Variants in FAM118B observed in about 807,000 individuals in gnomAD.
FAM118B encodes the protein protein FAM118B.
Under a neutral mutation model 38.5 loss-of-function variants are expected in FAM118B, and 24 were observed. The observed-to-expected ratio is 0.62, with a 90% CI of 0.45 to 0.88. FAM118B has a LOEUF of 0.88. FAM118B is among the 40% of genes least tolerant of loss of function. The pLI, the probability that FAM118B is intolerant of heterozygous loss-of-function variation, is 0.00. For synonymous variants in FAM118B, 138 were observed against 156.3 expected (o/e 0.88, Z 0.87); for missense variants, 334 against 420.0 (o/e 0.80, Z 1.79).
rs781555681 is a variant in FAM118B at position 126,240,773 on chromosome 11, A to C, written c.87-19A>C. ...ATCTATTGGATATTCCAATCCTCTC[A>C]TTTGTTTTGCTTTTATAGGAAGCTG... On this transcript the variant is annotated intron_variant, in intron 3 of 8. Transcript: ENST00000533050. 4.4e-6 allele frequency: 7 copies of C among 1,591,030 alleles called. No individual in the cohort carries two copies. Among genetic ancestry groups the C allele is most frequent in the Non-Finnish European group, 6.0e-6 (7 of 1,169,058 alleles).
intron 1 of FAM118B, 120 bp downstream of exon 1, chr11:126,211,950 T>C: frequency 2.9e-6 from 1 of 349,564 alleles, no homozygotes; most frequent in Non-Finnish European, 5.3e-6. Context: ...ACGTTTCTCC[T>C]TTTGGTACAC....
chr11:126,254,343 G>A lies in FAM118B; in HGVS notation c.606G>A (p.Val202=), dbSNP rs781452187. ...CTCAGGAGAAGCGTAAGCTGAGCGT[G>A]TTGCATATTCACGGAGTCTACACCA... ...EWAQEKRKLS[V]LHIHGVYTNP... is the part of the protein sequence containing the mutation. The change falls in exon 6 of 9, where the codon GTG becomes GTA. Residue 202 remains valine, a synonymous_variant. Coordinates refer to ENST00000533050, the MANE Select transcript of FAM118B (RefSeq NM_024556.4). 1.9e-6 allele frequency: 3 copies of A among 1,613,860 alleles called. No individual in the cohort carries two copies. The highest frequency in any genetic ancestry group is 1.7e-5 in the Admixed American group (1 of 59,972).
rs370881572 is a variant in FAM118B at position 126,256,824 on chromosome 11, A to G, written c.954A>G (p.Thr318=). 1.6e-5 allele frequency: 26 copies of G among 1,612,342 alleles called. No individual in the cohort carries two copies. Among genetic ancestry groups the G allele is most frequent in the Non-Finnish European group, 2.0e-5 (24 of 1,179,208 alleles). Residue 318 remains threonine, a synonymous_variant, in exon 7 of 9, where the codon ACA becomes ACG. Transcript: ENST00000533050. The surrounding 1 kb of genome is among the most constrained non-coding windows in gnomAD (Gnocchi z 6.6). ...TTCCAGAATATTTCAAGCGACTGAC[A>G]TGTGAGATCTCCACAAGGGGTACAT... ...ADLPEYFKRL[T]CEISTRGTSA... is the part of the protein sequence containing the mutation.
chr11:126,223,156 G>A (rs865923741), intron 1 of FAM118B, among the ~76,000 whole-genome samples: 3 of 152,070 alleles, frequency 2.0e-5, no homozygotes, highest in Middle Eastern at 3.2e-3. Flanking sequence ...AGAGCCCAGC[G>A]AGTGAGGGAG....
intron 1 of FAM118B, among the ~76,000 whole-genome samples, chr11:126,214,066 T>C (rs952729676): frequency 1.3e-5 from 2 of 152,198 alleles, no homozygotes; most frequent in African/African-American, 4.8e-5. Context: ...AGAATTTATG[T>C]GGCCGGGCGC....
chr11:126,248,357 A>ATTTTTT (rs1565336951), intron 4 of FAM118B, among the ~76,000 whole-genome samples: 7 of 23,746 alleles, frequency 2.9e-4, no homozygotes, highest in African/African-American at 9.6e-4. Context: ...ATAGTAGTTG[A>ATTTTTT]CTTTTTTTTT....
chr11:126,261,367 T>A, intron 7 of FAM118B, 58 bp from the exon 8 acceptor site: 29 of 1,443,514 alleles, frequency 2.0e-5, no homozygotes, highest in Non-Finnish European at 2.8e-5. Context: ...GTTTTCTTTT[T>A]GCTATTAATA....
At chr11:126,248,358 C>CTTTTTGTTT (rs1950446285) in intron 4 of FAM118B, among the ~76,000 whole-genome samples, 1 of 36,966 alleles carries the variant, frequency 2.7e-5, no homozygotes, top group Non-Finnish European at 4.3e-5. Flanking sequence ...TAGTAGTTGA[C>CTTTTTGTTT]TTTTTTTTTT....
Position 126,256,614 on chromosome 11 carries a change from C to T in FAM118B, c.744C>T (p.Gly248=). The change falls in exon 7 of 9, where the codon GGC becomes GGT. Residue 248 remains glycine (G), a synonymous_variant. Transcript: ENST00000533050. This position sits in a 1 kb window ranked among gnomAD's most constrained non-coding sequence, Gnocchi z 6.6. ...LYENKSFLFL[G]CGWTVDDTTF... ...AAAACAAGTCATTTCTTTTCCTGGG[C>T]TGTGGCTGGACTGTGGATGACACCA... 6.2e-7 allele frequency: 1 copy of T among 1,614,166 alleles called. No homozygotes were observed. The highest frequency in any genetic ancestry group is 8.5e-7 in the Non-Finnish European group (1 of 1,180,016).
In FAM118B at chr11:126,240,865, G is replaced by T. The variant is rs935789063; in HGVS notation, c.160G>T (p.Ala54Ser). ...VLVIGTGISA[A>S]VAPQVPALKS... ...AGTGATTGGAACAGGCATTAGTGCT[G>T]CAGTTGCGCCCCAAGTTCCAGCCCT... The change falls in exon 4 of 9, where the codon GCA becomes TCA. Residue 54 changes from alanine (A) to serine (S), a missense_variant. Ala to Ser is a moderately conservative substitution (Grantham distance 99). Around this residue, in one of 3 missense-constraint regions of FAM118B, gnomAD observed 240 missense variants for 295.9 expected, o/e 0.81. Transcript: ENST00000533050. The T allele has an allele frequency of 4.3e-6, 7 of 1,614,040 alleles. No individual in the cohort carries two copies. Among genetic ancestry groups the T allele is most frequent in the Non-Finnish European group, 5.9e-6 (7 of 1,180,022 alleles).
intron 7 of FAM118B, among the ~76,000 whole-genome samples, chr11:126,257,898 TGCAG>T (rs1950604840): frequency 6.6e-6 from 1 of 152,180 alleles, no homozygotes; most frequent in South Asian, 2.1e-4. Flanking sequence ...GATTAGTGGC[TGCAG>T]GCAAATTCCC....
At chr11:126,222,316 T>C (rs1950074368) in intron 1 of FAM118B, among the ~76,000 whole-genome samples, 1 of 152,232 alleles carries the variant, frequency 6.6e-6, no homozygotes, top group South Asian at 2.1e-4. Flanking sequence ...CTAATATTCT[T>C]AGCACAGTGC....
rs552593074 is a variant in FAM118B at position 126,256,052 on chromosome 11, C to T, written c.697-515C>T. On this transcript the variant is annotated intron_variant, in intron 6 of 8. Transcript: ENST00000533050. This position sits in a 1 kb window ranked among gnomAD's most constrained non-coding sequence, Gnocchi z 6.6. The stretch of plus-strand genomic sequence containing the variant: ...TTGGGAGGCCAAGGTGGGTGGATCA[C>T]TCGAGGTCGGGAGTACCAGACCAGC... 6.6e-6 allele frequency among the ~76,000 whole-genome samples: 1 copy of T among 152,338 alleles called. No individual in the cohort carries two copies. The highest frequency in any genetic ancestry group is 2.1e-4 in the South Asian group (1 of 4,834).
chr11:126,224,457 C>T (rs999788720), intron 1 of FAM118B, among the ~76,000 whole-genome samples: 1 of 116,764 alleles, frequency 8.6e-6, no homozygotes, highest in Non-Finnish European at 1.6e-5. Flanking sequence ...GCCTGGGTGA[C>T]AGAGCGAGAC....
In FAM118B at chr11:126,253,374, G is replaced by T. The variant is rs1000419633; in HGVS notation, c.568-931G>T. On this transcript the variant is annotated intron_variant, in intron 5 of 8. Coordinates refer to ENST00000533050, the MANE Select transcript of FAM118B (RefSeq NM_024556.4). The surrounding 1 kb of genome is among the most constrained non-coding windows in gnomAD (Gnocchi z 5.1). ...TTCATAGCCTATTTCTCCAAAATGT[G>T]ATAAGAATAAATGTATGCTGTCTCC... Among the ~76,000 whole-genome samples, 1 of 152,152 alleles carries T rather than the reference G, an allele frequency of 6.6e-6. No homozygotes were observed. Among genetic ancestry groups the T allele is most frequent in the Non-Finnish European group, 1.5e-5 (1 of 68,030 alleles).
At chr11:126,242,045 G>T (rs1388203029) in intron 4 of FAM118B, among the ~76,000 whole-genome samples, 1 of 139,278 alleles carries the variant, frequency 7.2e-6, no homozygotes, top group Non-Finnish European at 1.6e-5. Flanking sequence ...AAAAAAAAAG[G>T]AATTAATGGG....
chr11:126,245,945 G>A (rs1215880410), intron 4 of FAM118B, among the ~76,000 whole-genome samples: 3 of 148,474 alleles, frequency 2.0e-5, no homozygotes, highest in Non-Finnish European at 4.5e-5. Flanking sequence ...GCAGTGAGCC[G>A]AGATAGCGCC....
intron 3 of FAM118B, among the ~76,000 whole-genome samples, chr11:126,237,746 A>G (rs1450077367): frequency 7.0e-6 from 1 of 143,724 alleles, no homozygotes; most frequent in African/African-American, 2.6e-5. Flanking sequence ...AATCCCAGCT[A>G]CTCGGGAGGC....
At chr11:126,228,083 C>T (rs867903590) in intron 1 of FAM118B, among the ~76,000 whole-genome samples, 1 of 152,022 alleles carries the variant, frequency 6.6e-6, no homozygotes, top group South Asian at 2.1e-4. Flanking sequence ...TAGGTGTGAG[C>T]CACTGCGCCC....
Sources: allele counts gnomAD v4.1 joint callset (sites outside exome capture counted in the v4.1 genomes callset), GRCh38; gene constraint gnomAD v4.1.1; regional missense constraint gnomAD v4.1.1; non-coding constraint Gnocchi (gnomAD v3.1); transcripts MANE v1.5; gene names NCBI Gene and HGNC (gene_info 2026-07-23, HGNC 2026-07-21).